The following PCDHA6 variants were observed in gnomAD, a reference collection of about 807,000 sequenced individuals.
The protein encoded by PCDHA6 is protocadherin alpha-6.
In PCDHA6, 55 loss-of-function variants were observed where a neutral mutation model predicts 60.3. The ratio of observed to expected loss-of-function variants is 0.91; its 90% confidence interval spans 0.73 to 1.14. The LOEUF (loss-of-function observed/expected upper bound fraction) is 1.14, where lower values mean the gene tolerates loss of function less well. Ranked by LOEUF, PCDHA6 falls within the 50% of genes most tolerant of loss-of-function variation. The pLI, the probability that PCDHA6 is intolerant of heterozygous loss-of-function variation, is 0.00. For synonymous variants in PCDHA6, 652 were observed against 557.9 expected (o/e 1.17, Z -2.38); for missense variants, 1,327 against 1,256.5 (o/e 1.06, Z -0.85).
chr5:140,866,929 A>C (rs1189639503), intron 1 of PCDHA6: 1 of 152,160 alleles, frequency 6.6e-6, no homozygotes, highest in African/African-American at 2.4e-5. Context: ...CAAAGGGCGC[A>C]TAATCTCTTC....
At position 140,967,577 on chromosome 5, in the gene PCDHA6, C is replaced by T. The variant is rs141338011; in HGVS notation, c.2395-11372C>T. Reference sequence around the variant, plus strand: ...TCGCGTCCAGCTACGGGAGGACTCACCCCCAGGCACATTGGTGGTGAAGCT... The same window carrying T: ...TCGCGTCCAGCTACGGGAGGACTCATCCCCAGGCACATTGGTGGTGAAGCT... On this transcript the variant is annotated intron_variant, in intron 1 of 3. Transcript: ENST00000529310. 11 of 1,614,016 alleles carry T rather than the reference C, an allele frequency of 6.8e-6. No homozygotes were observed. Among genetic ancestry groups the T allele is most frequent in the African/African-American group, 4.0e-5 (3 of 74,938 alleles).
At chr5:140,834,956 T>G (rs2150229347) in intron 1 of PCDHA6, 2 of 1,534,454 alleles carry the variant, frequency 1.3e-6, no homozygotes, top group African/African-American at 1.5e-5. Context: ...AGGTAAAACC[T>G]CTTGGACTTG....
chr5:140,830,137 G>T lies in PCDHA6; in HGVS notation c.2046G>T (p.Ala682=). The T allele has an allele frequency of 1.2e-6, 2 of 1,613,292 alleles. No homozygotes were observed. Among genetic ancestry groups the T allele is most frequent in the East Asian group, 2.2e-5 (1 of 44,858 alleles). Residue 682 remains alanine, a synonymous_variant, in exon 1 of 4, where the codon GCG becomes GCT. Transcript: ENST00000529310. ...AGGCTCCAAAGGCGTCATCACGGGC[G>T]TCGGTGGGCGCCGCGGGCCCAGAGG... is the stretch of plus-strand genomic sequence containing the variant. The part of the protein sequence containing the change: ...SGQAPKASSR[A]SVGAAGPEAA...
intron 1 of PCDHA6, chr5:140,875,824 C>T (rs1554167977): frequency 7.4e-6 from 12 of 1,614,156 alleles, no homozygotes; most frequent in East Asian, 2.2e-5. Context: ...GCAGGTTTTC[C>T]ATGTGGACGT....
chr5:140,959,118 C>T (rs781848896), intron 1 of PCDHA6, among the ~76,000 whole-genome samples: 8 of 151,838 alleles, frequency 5.3e-5, no homozygotes, highest in Non-Finnish European at 1.0e-4. Context: ...CGAAGGTGGG[C>T]GAGGTGAGCC....
intron 3 of PCDHA6, among the ~76,000 whole-genome samples, chr5:140,997,147 A>G (rs545988847): frequency 5.9e-5 from 9 of 152,134 alleles, no homozygotes; most frequent in African/African-American, 2.2e-4. Context: ...CCCCCGCCAC[A>G]GTGACATCCT....
In PCDHA6 at chr5:140,829,126, T is replaced by C. The variant is rs1770118219; in HGVS notation, c.1035T>C (p.Asp345=). 1.2e-6 allele frequency: 2 copies of C among 1,612,444 alleles called. No individual in the cohort carries two copies. The highest frequency in any genetic ancestry group is 1.3e-5 in the African/African-American group (1 of 75,000). ...TVLVRILDKN[D]NVPEIALTSL... ...TAGTGAGAATTTTGGATAAAAATGA[T>C]AACGTCCCTGAGATAGCACTGACTT... Residue 345 remains aspartate (D), a synonymous_variant, in exon 1 of 4, where the codon GAT becomes GAC. Coordinates refer to ENST00000529310, the MANE Select transcript of PCDHA6 (RefSeq NM_018909.4).
intron 1 of PCDHA6, among the ~76,000 whole-genome samples, chr5:140,974,521 G>GT (rs1223492348): frequency 3.0e-4 from 45 of 152,208 alleles, no homozygotes; most frequent in African/African-American, 1.0e-3. Flanking sequence ...TTTTATTTTA[G>GT]TTTTTTTGAG....
At chr5:140,953,062 C>A (rs2094842577) in intron 1 of PCDHA6, among the ~76,000 whole-genome samples, 1 of 152,160 alleles carries the variant, frequency 6.6e-6, no homozygotes, top group East Asian at 1.9e-4. Context: ...CTCTCACAGG[C>A]CCCATCTCCA....
intron 1 of PCDHA6, among the ~76,000 whole-genome samples, chr5:140,924,892 C>A: frequency 1.2e-5 from 1 of 82,680 alleles, no homozygotes; most frequent in Admixed American, 1.2e-4. Context: ...AAGAACCTGT[C>A]TCAAAAAAAA....
At chr5:140,925,671 A>AATAATG (rs1554202870) in intron 1 of PCDHA6, among the ~76,000 whole-genome samples, 40 of 148,180 alleles carry the variant, frequency 2.7e-4, no homozygotes, top group African/African-American at 9.5e-4. Flanking sequence ...TAATAATAAT[A>AATAATG]ATAATAAAGC....
intron 1 of PCDHA6, among the ~76,000 whole-genome samples, chr5:140,878,696 A>G (rs570754583): frequency 6.6e-6 from 1 of 152,360 alleles, no homozygotes; most frequent in East Asian, 1.9e-4. Context: ...TACATACCCC[A>G]GCCTGGTAGT....
At chr5:140,927,193 C>G in intron 1 of PCDHA6, 1 of 1,614,186 alleles carries the variant, frequency 6.2e-7, no homozygotes, top group South Asian at 1.1e-5. Context: ...CGACCTGGTG[C>G]TCGAGGACCC....
intron 1 of PCDHA6, chr5:140,843,565 G>A (rs2150362787): frequency 6.3e-7 from 1 of 1,595,918 alleles, no homozygotes; most frequent in Admixed American, 1.7e-5. Context: ...TGGGGAGCTG[G>A]TCATACTCGC....
At chr5:140,869,928 A>G (rs1554163617) in intron 1 of PCDHA6, 1 of 1,611,726 alleles carries the variant, frequency 6.2e-7, no homozygotes, top group Middle Eastern at 1.6e-4. Context: ...GAGTCAATGG[A>G]GAGGTAACAT....
intron 1 of PCDHA6, among the ~76,000 whole-genome samples, chr5:140,846,195 A>G (rs2150385667): frequency 6.7e-6 from 1 of 149,594 alleles, no homozygotes; most frequent in Admixed American, 6.7e-5. Context: ...AGTTCTTTGT[A>G]TGTATGAGAT....
chr5:140,838,077 AGTGTGTG>A (rs1241834179), intron 1 of PCDHA6, among the ~76,000 whole-genome samples: 11 of 80,662 alleles, frequency 1.4e-4, no homozygotes, highest in African/African-American at 1.8e-4. Context: ...ATATATATAT[AGTGTGTG>A]TGTGTGTGTG....
intron 3 of PCDHA6, among the ~76,000 whole-genome samples, chr5:141,006,464 C>T (rs1243356826): frequency 5.9e-5 from 9 of 152,100 alleles, no homozygotes; most frequent in African/African-American, 1.7e-4. Context: ...CTGCCTGTCT[C>T]GGCCTCCCAA....
chr5:140,961,338 G>C (rs1554225370), intron 1 of PCDHA6, among the ~76,000 whole-genome samples: 1 of 152,170 alleles, frequency 6.6e-6, no homozygotes, highest in Non-Finnish European at 1.5e-5. Flanking sequence ...GAGACCAAGA[G>C]TGGATCCCTG....
Sources: gnomAD v4.1 joint callset for allele counts (sites outside exome capture counted in the v4.1 genomes callset) on GRCh38, gnomAD v4.1.1 for gene constraint, MANE v1.5 for transcripts, NCBI Gene and HGNC (gene_info 2026-07-23, HGNC 2026-07-21) for gene names.